PRELID2: variants seen among roughly 807,000 people sequenced by gnomAD.
The protein encoded by PRELID2 is PRELI domain containing 2.
Under a neutral mutation model 28.4 loss-of-function variants are expected in PRELID2, and 25 were observed. The observed-to-expected ratio is 0.88, with a 90% CI of 0.64 to 1.23. The LOEUF is 1.23. Among genes scored for constraint, PRELID2 ranks in the 50% most tolerant of loss-of-function variants. The probability of loss-of-function intolerance (pLI) is 0.00; values close to 1 mark genes in which losing one functional copy is unlikely to be tolerated. For missense variants in PRELID2, 201 were observed against 214.4 expected (o/e 0.94, Z 0.39); for synonymous variants, 76 against 71.6 (o/e 1.06, Z -0.31).
At chr5:145,287,409 C>T in the PRELID2 span, among the ~76,000 whole-genome samples, 1 of 152,090 alleles carries the variant, frequency 6.6e-6, no homozygotes, top group East Asian at 1.9e-4. Flanking sequence ...ATCTGTTGAT[C>T]TGATAACCAA....
the PRELID2 span, among the ~76,000 whole-genome samples, chr5:145,385,572 A>C: frequency 6.6e-6 from 1 of 152,122 alleles, no homozygotes; most frequent in South Asian, 2.1e-4. Context: ...CTAACCATCA[A>C]ATTTTTGCAA....
At chr5:145,613,131 A>G (rs1478120369) in intron 1 of PRELID2, among the ~76,000 whole-genome samples, 1 of 152,164 alleles carries the variant, frequency 6.6e-6, no homozygotes, top group African/African-American at 2.4e-5. Context: ...CACTGCATAC[A>G]TGCCAGCATC....
intron 1 of PRELID2, among the ~76,000 whole-genome samples, chr5:145,579,363 T>G (rs1475495357): frequency 6.6e-6 from 1 of 152,126 alleles, no homozygotes; most frequent in Non-Finnish European, 1.5e-5. Context: ...AGAGCTAGTA[T>G]TCGCAGATGC....
At chr5:145,453,557 C>T in the PRELID2 span, among the ~76,000 whole-genome samples, 1 of 152,078 alleles carries the variant, frequency 6.6e-6, no homozygotes, top group South Asian at 2.1e-4. Context: ...TGGTTTGCTG[C>T]ACCCATCAAA....
At chr5:145,704,181 T>C (rs1320285130) in intron 1 of PRELID2, 1 of 152,172 alleles carries the variant, frequency 6.6e-6, no homozygotes, top group Non-Finnish European at 1.5e-5. Context: ...CAGATTGGCA[T>C]GTGGATCATT....
chr5:145,472,539 C>T (rs1186369973), intron 2 of PRELID2, among the ~76,000 whole-genome samples: 4 of 152,032 alleles, frequency 2.6e-5, no homozygotes, highest in African/African-American at 9.7e-5. Flanking sequence ...AATCCTAAGG[C>T]CTAGAAGAAA....
intron 1 of PRELID2, among the ~76,000 whole-genome samples, chr5:145,695,473 G>T (rs1424615679): frequency 6.6e-6 from 1 of 152,196 alleles, no homozygotes; most frequent in African/African-American, 2.4e-5. Context: ...CACTTTTTTA[G>T]AAGAGAAATG....
intron 1 of PRELID2, among the ~76,000 whole-genome samples, chr5:145,510,517 C>T (rs1039319354): frequency 6.3e-4 from 96 of 152,160 alleles, no homozygotes; most frequent in African/African-American, 2.3e-3. Flanking sequence ...CAATTCTTGG[C>T]TCTGGCCACA....
intron 1 of PRELID2, among the ~76,000 whole-genome samples, chr5:145,656,144 T>A (rs1293001975): frequency 6.6e-6 from 1 of 151,924 alleles, no homozygotes; most frequent in Non-Finnish European, 1.5e-5. Context: ...AACAGACACA[T>A]GAAAAAATGC....
chr5:145,664,601 T>A (rs927940624), intron 1 of PRELID2, among the ~76,000 whole-genome samples: 1 of 152,084 alleles, frequency 6.6e-6, no homozygotes, highest in Non-Finnish European at 1.5e-5. Context: ...TTAATCTAAC[T>A]CTTTGAGCCA....
intron 1 of PRELID2, among the ~76,000 whole-genome samples, chr5:145,491,786 G>T (rs192739978): frequency 4.0e-4 from 60 of 151,820 alleles, no homozygotes; most frequent in Admixed American, 1.5e-3. Flanking sequence ...CATATAATGA[G>T]ATCATGTGGT....
At chr5:145,684,684 C>G (rs562621991) in intron 1 of PRELID2, among the ~76,000 whole-genome samples, 1 of 152,184 alleles carries the variant, frequency 6.6e-6, no homozygotes, top group African/African-American at 2.4e-5. Context: ...TTAAATCCAT[C>G]CCACTTAAAG....
intron 5 of PRELID2, among the ~76,000 whole-genome samples, chr5:145,781,237 C>G (rs6861326): frequency 0.12 from 18,514 of 152,126 alleles, 3,131 homozygotes; most frequent in African/African-American, 0.38. Context: ...ACACCTCAGA[C>G]AGCTCAAGGA....
intron 1 of PRELID2, among the ~76,000 whole-genome samples, chr5:145,558,992 C>T (rs539025383): frequency 2.0e-5 from 3 of 152,302 alleles, no homozygotes; most frequent in East Asian, 1.9e-4. Flanking sequence ...CAGTGGCTCA[C>T]GCCTGTAATC....
At chr5:145,798,835 G>A (rs1458250246) in intron 4 of PRELID2, among the ~76,000 whole-genome samples, 1 of 152,018 alleles carries the variant, frequency 6.6e-6, no homozygotes, top group Non-Finnish European at 1.5e-5. Context: ...AGATCACTTG[G>A]CCACAGAGTG....
At chr5:145,284,803 C>T in the PRELID2 span, among the ~76,000 whole-genome samples, 22 of 152,126 alleles carry the variant, frequency 1.4e-4, no homozygotes, top group African/African-American at 5.1e-4. Flanking sequence ...AAGGAATTTT[C>T]TTAACTAAGA....
In PRELID2 at chr5:145,559,115, C is replaced by T. The variant is rs1029888228; in HGVS notation, n.71-85800G>A. ...TAAAAATACAAAAAAATTAGCCGGG[C>T]GTAGTGGCAGGCGCCTGTAGTGCCA... On this transcript the variant is annotated intron_variant and non_coding_transcript_variant, in intron 1 of 2. Coordinates refer to the PRELID2 transcript ENST00000510259. Among the ~76,000 whole-genome samples, 11 of 151,904 alleles carry T rather than the reference C, an allele frequency of 7.2e-5. 1 individual carries two copies. Among genetic ancestry groups the T allele is most frequent in the Admixed American group, 3.3e-4 (5 of 15,256 alleles).
chr5:145,713,238 T>C (rs1395460156), intron 1 of PRELID2, among the ~76,000 whole-genome samples: 2 of 150,924 alleles, frequency 1.3e-5, no homozygotes, highest in African/African-American at 4.9e-5. Context: ...AGACACATTA[T>C]AGTTAAACTA....
At chr5:145,472,920 G>A (rs1752066888) in intron 2 of PRELID2, among the ~76,000 whole-genome samples, 1 of 152,262 alleles carries the variant, frequency 6.6e-6, no homozygotes, top group South Asian at 2.1e-4. Context: ...CTAGAACACA[G>A]TTTCTTTGGA....
Sources: gnomAD v4.1 joint callset for allele counts (sites outside exome capture counted in the v4.1 genomes callset) on GRCh38, gnomAD v4.1.1 for gene constraint, MANE v1.5 for transcripts, NCBI Gene and HGNC (gene_info 2026-07-23, HGNC 2026-07-21) for gene names.